ZEB1: variants seen among roughly 807,000 people sequenced by gnomAD.
The protein encoded by ZEB1 is zinc finger E-box binding homeobox 1.
In ZEB1, 21 loss-of-function variants were observed where a neutral mutation model predicts 84.9. The ratio of observed to expected loss-of-function variants is 0.25; its 90% CI spans 0.18 to 0.36. ZEB1 has a LOEUF of 0.36. ZEB1 is among the 10% of genes least tolerant of loss of function. ZEB1 has a pLI of 1.00. For synonymous variants in ZEB1, 420 were observed against 471.1 expected (o/e 0.89, Z 1.41); for missense variants, 1,104 against 1,330.2 (o/e 0.83, Z 2.65).
chr10:31,455,430 AG>A (rs1293984959), intron 1 of ZEB1, among the ~76,000 whole-genome samples: 1 of 152,242 alleles, frequency 6.6e-6, no homozygotes, highest in Non-Finnish European at 1.5e-5. Context: ...ATTAAACTAA[AG>A]AGCTTCTGCA....
intron 5 of ZEB1, among the ~76,000 whole-genome samples, chr10:31,511,081 G>C (rs2069901549): frequency 1.3e-5 from 2 of 152,192 alleles, no homozygotes; most frequent in Non-Finnish European, 2.9e-5. Flanking sequence ...CGTTACTTTA[G>C]AGGTAACTCA....
chr10:31,443,090 T>G (rs1454925353), intron 1 of ZEB1, among the ~76,000 whole-genome samples: 1 of 152,124 alleles, frequency 6.6e-6, no homozygotes, highest in Non-Finnish European at 1.5e-5. Flanking sequence ...ACGTGAGAAG[T>G]GATTATAAAA....
At chr10:31,459,511 T>C (rs2061588619) in intron 1 of ZEB1, among the ~76,000 whole-genome samples, 1 of 152,114 alleles carries the variant, frequency 6.6e-6, no homozygotes. Flanking sequence ...TTACTAACTT[T>C]ACATGTTTTG....
In ZEB1 at chr10:31,408,589, C is replaced by T. The variant is rs1335477007; in HGVS notation, c.59-52448C>T. On this transcript the variant is annotated intron_variant, in intron 1 of 8. Transcript: ENST00000424869. ...TGAACAGAGCCCTCAGAAATAACGC[C>T]GCATATCTACAACTATCTGATCTTT... 7.5e-5 allele frequency among the ~76,000 whole-genome samples: 11 copies of T among 146,178 alleles called. 1 individual carries two copies. Among genetic ancestry groups the T allele is most frequent in the African/African-American group, 2.1e-4 (8 of 37,678 alleles).
At chr10:31,524,213 TTTTTA>T (rs1414144157) in intron 8 of ZEB1, 100 bp downstream of exon 8, 1 of 1,371,576 alleles carries the variant, frequency 7.3e-7, no homozygotes, top group East Asian at 2.5e-5. Context: ...TTTTTTTTTT[TTTTTA>T]TTTTGTTTTG....
At chr10:31,408,476 A>G (rs1345427421) in intron 1 of ZEB1, among the ~76,000 whole-genome samples, 2 of 150,842 alleles carry the variant, frequency 1.3e-5, no homozygotes, top group Non-Finnish European at 3.0e-5. Context: ...GAGGCATCAC[A>G]CTACCTGACT....
chr10:31,496,690 T>TA (rs1436362857), intron 3 of ZEB1, among the ~76,000 whole-genome samples: 1 of 152,132 alleles, frequency 6.6e-6, no homozygotes, highest in Non-Finnish European at 1.5e-5. Context: ...ATTTCTGTCA[T>TA]ATAGTTTTAA....
intron 4 of ZEB1, among the ~76,000 whole-genome samples, chr10:31,504,413 G>A (rs2068606878): frequency 6.6e-6 from 1 of 151,896 alleles, no homozygotes; most frequent in Non-Finnish European, 1.5e-5. Context: ...TGTTCTTTTT[G>A]CTCAGGATTG....
intron 1 of ZEB1, among the ~76,000 whole-genome samples, chr10:31,422,238 A>G (rs964983796): frequency 6.6e-6 from 1 of 152,198 alleles, no homozygotes; most frequent in African/African-American, 2.4e-5. Flanking sequence ...GGCATAGGGT[A>G]CGGTAGTAGC....
chr10:31,321,183 C>T (rs2033937251), intron 1 of ZEB1: 1 of 1,093,110 alleles, frequency 9.1e-7, no homozygotes, highest in Non-Finnish European at 1.1e-6. Flanking sequence ...GTAACCTTTC[C>T]TGGCAATTTT....
intron 1 of ZEB1, among the ~76,000 whole-genome samples, chr10:31,446,259 G>A (rs908037192): frequency 1.3e-5 from 2 of 152,104 alleles, no homozygotes. Context: ...GATCGGTGGT[G>A]ATATCCCCTT....
chr10:31,464,523 C>T (rs2062163358), intron 2 of ZEB1, among the ~76,000 whole-genome samples: 1 of 152,004 alleles, frequency 6.6e-6, no homozygotes, highest in African/African-American at 2.4e-5. Flanking sequence ...ATTCAAAAAG[C>T]CCAAATGGAC....
chr10:31,507,413 T>C (rs184277560), intron 4 of ZEB1, among the ~76,000 whole-genome samples: 1 of 152,284 alleles, frequency 6.6e-6, no homozygotes, highest in Non-Finnish European at 1.5e-5. Context: ...TATTATTTCA[T>C]TAAATAGGTT....
intron 1 of ZEB1, among the ~76,000 whole-genome samples, chr10:31,411,475 C>G (rs1323873394): frequency 6.6e-6 from 1 of 151,604 alleles, no homozygotes; most frequent in Non-Finnish European, 1.5e-5. Context: ...ACTAAAAATA[C>G]AAAAAAATTA....
chr10:31,398,687 G>T lies in ZEB1; in HGVS notation c.59-62350G>T, dbSNP rs760311540. 5.6e-4 allele frequency among the ~76,000 whole-genome samples: 85 copies of T among 152,218 alleles called. 2 individuals carry two copies. The highest frequency in any genetic ancestry group is 9.4e-4 in the Non-Finnish European group (64 of 68,018). On this transcript the variant is annotated intron_variant, in intron 1 of 8. Coordinates refer to ENST00000424869, the MANE Select transcript of ZEB1 (RefSeq NM_001174096.2). ...AATTGTACTTCTTAATGACTGCCATGCTGCCAATCAGATGGTCATCTCAGT... is the reference window on the plus strand; with the variant it reads ...AATTGTACTTCTTAATGACTGCCATTCTGCCAATCAGATGGTCATCTCAGT...
At chr10:31,406,361 T>A (rs1316478124) in intron 1 of ZEB1, among the ~76,000 whole-genome samples, 1 of 152,186 alleles carries the variant, frequency 6.6e-6, no homozygotes, top group Admixed American at 6.5e-5. Flanking sequence ...ATCTGTTGTT[T>A]CCTGACTTTT....
intron 1 of ZEB1, among the ~76,000 whole-genome samples, chr10:31,398,188 G>C (rs980802272): frequency 1.3e-5 from 2 of 152,160 alleles, no homozygotes; most frequent in South Asian, 2.1e-4. Context: ...ACCACTTAAG[G>C]CAAAGAAGGC....
At chr10:31,394,462 A>G (rs934542572) in intron 1 of ZEB1, among the ~76,000 whole-genome samples, 1 of 152,192 alleles carries the variant, frequency 6.6e-6, no homozygotes, top group Non-Finnish European at 1.5e-5. Context: ...GACTTAGCAC[A>G]CCTATGTGAT....
intron 2 of ZEB1, among the ~76,000 whole-genome samples, chr10:31,473,568 A>C (rs2063599817): frequency 1.3e-5 from 2 of 150,920 alleles, no homozygotes; most frequent in Non-Finnish European, 3.0e-5. Context: ...GAGGATACAA[A>C]CAAATGGAAG....
Sources: gnomAD v4.1 joint callset for allele counts (sites outside exome capture counted in the v4.1 genomes callset) on GRCh38, gnomAD v4.1.1 for gene constraint, MANE v1.5 for transcripts, NCBI Gene and HGNC (gene_info 2026-07-23, HGNC 2026-07-21) for gene names.